The following TACC2 variants were observed in gnomAD, a reference collection of about 807,000 sequenced individuals.
The protein encoded by TACC2 is transforming acidic coiled-coil-containing protein 2.
Under a neutral mutation model 227.3 loss-of-function variants are expected in TACC2, and 137 were observed. That is an observed-to-expected ratio of 0.60 (90% CI 0.52 to 0.69). The LOEUF (loss-of-function observed/expected upper bound fraction) is 0.69, where lower values mean the gene tolerates loss of function less well. Ranked by LOEUF, TACC2 falls within the 30% of genes least tolerant of loss-of-function variation. The pLI is 0.00. For missense variants in TACC2, 3,470 were observed against 3,694.4 expected (o/e 0.94, Z 1.57); for synonymous variants, 1,523 against 1,487.5 (o/e 1.02, Z -0.55).
intron 1 of TACC2, among the ~76,000 whole-genome samples, chr10:122,019,264 C>T (rs564605929): frequency 2.0e-5 from 3 of 152,340 alleles, no homozygotes; most frequent in East Asian, 1.9e-4. Context: ...TGGGTAAGTA[C>T]ATTCTGCACA....
rs551267341 is a variant in TACC2, at chr10:122,141,540, C to T, written c.5700-2032C>T. On this transcript the variant is annotated intron_variant, in intron 6 of 22. Transcript: ENST00000369005. The surrounding 1 kb of genome is among the most constrained non-coding windows in gnomAD (Gnocchi z 4.3). ...CAGGCGGGGGAGCTTGGTGAGTGAGCCTTGGTTGTGCTGCCCCAGGGTGTT... is the reference window on the plus strand; with the variant it reads ...CAGGCGGGGGAGCTTGGTGAGTGAGTCTTGGTTGTGCTGCCCCAGGGTGTT... Among the ~76,000 whole-genome samples, 2 of 152,044 alleles carry T rather than the reference C, an allele frequency of 1.3e-5. No homozygotes were observed. The highest frequency in any genetic ancestry group is 4.2e-4 in the South Asian group (2 of 4,794).
chr10:122,163,834 C>T, intron 7 of TACC2: 3 of 1,475,186 alleles, frequency 2.0e-6, no homozygotes, highest in African/African-American at 1.4e-5. Context: ...ACCCCGGCCG[C>T]CGGCCGGCTC....
At chr10:122,181,029 C>T (rs2093955905) in intron 7 of TACC2, among the ~76,000 whole-genome samples, 1 of 152,216 alleles carries the variant, frequency 6.6e-6, no homozygotes. Context: ...CAGGCATGAG[C>T]CACCGCGCCC....
intron 22 of TACC2, among the ~76,000 whole-genome samples, chr10:122,250,947 T>C (rs1589990722): frequency 2.3e-5 from 3 of 129,800 alleles, no homozygotes; most frequent in African/African-American, 3.0e-5. Flanking sequence ...TGAGGCAGGG[T>C]CTTATTCTGT....
At position 122,210,192 on chromosome 10, in the gene TACC2, A is replaced by G; in HGVS notation, c.5972-205A>G. On this transcript the variant is annotated intron_variant, in intron 8 of 22. Transcript: ENST00000369005. This position sits in a 1 kb window ranked among gnomAD's most constrained non-coding sequence, Gnocchi z 4.6. ...TGATCCTCATTGTACAGATGAGGGAACTCTGGGCGAACCTGGCCTGGGTCT... is the reference window on the plus strand; with the variant it reads ...TGATCCTCATTGTACAGATGAGGGAGCTCTGGGCGAACCTGGCCTGGGTCT... 2 of 610,978 alleles carry G rather than the reference A, an allele frequency of 3.3e-6. No homozygotes were observed. Among genetic ancestry groups the G allele is most frequent in the South Asian group, 4.0e-5 (2 of 50,614 alleles). 37.8% of individuals were successfully genotyped at this position (610,978 alleles called of 1,614,324 possible). A position where few individuals can be genotyped will look rare whatever the true frequency, so the allele number is the denominator to read the frequency against.
intron 3 of TACC2, among the ~76,000 whole-genome samples, chr10:122,062,322 C>T (rs992975339): frequency 2.7e-5 from 4 of 147,162 alleles, no homozygotes; most frequent in Non-Finnish European, 4.5e-5. Flanking sequence ...CGTGAGCCAC[C>T]ACGCCTGGAG....
intron 6 of TACC2, among the ~76,000 whole-genome samples, chr10:122,142,443 G>C (rs1477175947): frequency 6.6e-6 from 1 of 152,260 alleles, no homozygotes; most frequent in Non-Finnish European, 1.5e-5. Context: ...GCTGTGACCA[G>C]ACTTATGGGC....
At chr10:122,153,726 C>A (rs138805999) in intron 7 of TACC2, among the ~76,000 whole-genome samples, 1 of 152,122 alleles carries the variant, frequency 6.6e-6, no homozygotes, top group Non-Finnish European at 1.5e-5. Flanking sequence ...CTTGCACCCT[C>A]GATGTTATGG....
intron 5 of TACC2, among the ~76,000 whole-genome samples, chr10:122,112,607 G>A (rs2138058732): frequency 6.6e-6 from 1 of 152,292 alleles, no homozygotes; most frequent in South Asian, 2.1e-4. Context: ...GCCTCAGGCG[G>A]GCAACGGCCC....
At chr10:122,113,838 G>A (rs1440432897) in intron 5 of TACC2, among the ~76,000 whole-genome samples, 2 of 152,230 alleles carry the variant, frequency 1.3e-5, no homozygotes, top group African/African-American at 4.8e-5. Context: ...CGTCCCCTCC[G>A]CGTCCTTGGC....
chr10:122,229,919 A>G (rs1273626668), intron 15 of TACC2, among the ~76,000 whole-genome samples: 1 of 152,190 alleles, frequency 6.6e-6, no homozygotes, highest in East Asian at 1.9e-4. Flanking sequence ...TCTGTGCTTT[A>G]AATTTGACAA....
chr10:122,114,591 A>C (rs10788242), intron 5 of TACC2, among the ~76,000 whole-genome samples: 113,247 of 151,708 alleles, frequency 0.75, 44,576 homozygotes, highest in East Asian at 0.93. Flanking sequence ...GCCTGGGACT[A>C]ATTCTCCGGG....
intron 7 of TACC2, among the ~76,000 whole-genome samples, chr10:122,170,980 G>A (rs1411520946): frequency 3.3e-5 from 5 of 152,206 alleles, no homozygotes; most frequent in Non-Finnish European, 7.3e-5. Flanking sequence ...TCTGCTGCAA[G>A]CACTGCAGGG....
Position 122,211,207 on chromosome 10 carries a change from T to A in TACC2, c.6782T>A (p.Leu2261His), listed in dbSNP as rs2295876. The A allele has an allele frequency of 0.12, 192,130 of 1,613,620 alleles. 12,307 individuals are homozygous for A. Among genetic ancestry groups the A allele is most frequent in the South Asian group, 0.16 (14,174 of 90,998 alleles). Residue 2261 changes from leucine to histidine, a missense_variant, in exon 9 of 23, where the codon CTC (leucine) becomes CAC (histidine). Physicochemically the swap from Leu to His is moderately conservative, Grantham distance 99. This residue lies in a region of TACC2 where 593 missense variants were observed against 636.6 expected (regional missense o/e 0.93). Coordinates refer to ENST00000369005, the MANE Select transcript of TACC2 (RefSeq NM_206862.4). ...GGQEDSPAKG[L>H]SVRLEFDYSE... Reference sequence around the variant, plus strand: ...CAAGAGGACTCTCCAGCCAAAGGGCTCTCCGTAAGGCTGGAGTTTGACTAT... The same window carrying A: ...CAAGAGGACTCTCCAGCCAAAGGGCACTCCGTAAGGCTGGAGTTTGACTAT...
At chr10:122,103,870 T>C (rs7085436) in intron 5 of TACC2, among the ~76,000 whole-genome samples, 105,278 of 152,090 alleles carry the variant, frequency 0.69, 36,842 homozygotes, top group Middle Eastern at 0.77. Context: ...AGCTGCCTGG[T>C]GAGCACTGCA....
rs563927159 is a variant in TACC2, at chr10:122,066,048, T to C, written c.146+15498T>C. ...TAAAAAAATTTAAGTACCTATATTG[T>C]AGGCAGCATAGAGTTGGATCTTGTT... On this transcript the variant is annotated intron_variant, in intron 3 of 22. Coordinates refer to ENST00000369005, the MANE Select transcript of TACC2 (RefSeq NM_206862.4). 2.0e-5 allele frequency among the ~76,000 whole-genome samples: 3 copies of C among 152,224 alleles called. No individual in the cohort carries two copies. The East Asian group carries it at 5.8e-4, about 29-fold the overall frequency.
chr10:122,237,376 A>G lies in TACC2; in HGVS notation c.8128-19A>G. 6.3e-7 allele frequency: 1 copy of G among 1,585,200 alleles called. No individual in the cohort carries two copies. The highest frequency in any genetic ancestry group is 8.6e-7 in the Non-Finnish European group (1 of 1,168,214). ...ATTAATGCTAACTGTTTTTTTTTTA[A>G]TTAAAAACGATTCCACAGAGAGAGG... is the stretch of plus-strand genomic sequence containing the variant. On this transcript the variant is annotated intron_variant, in intron 16 of 22. Coordinates refer to ENST00000369005, the MANE Select transcript of TACC2 (RefSeq NM_206862.4).
intron 6 of TACC2, among the ~76,000 whole-genome samples, chr10:122,135,886 T>C (rs2089522120): frequency 6.6e-6 from 1 of 152,190 alleles, no homozygotes; most frequent in Non-Finnish European, 1.5e-5. Context: ...CTGTTGTGCT[T>C]TTCCTTGGTG....
intron 7 of TACC2, among the ~76,000 whole-genome samples, chr10:122,182,610 C>G (rs1777435556): frequency 6.6e-6 from 1 of 152,174 alleles, no homozygotes; most frequent in Non-Finnish European, 1.5e-5. Context: ...AATCCTTTCC[C>G]CATATTTGCA....
Sources: allele counts gnomAD v4.1 joint callset (sites outside exome capture counted in the v4.1 genomes callset), GRCh38; gene constraint gnomAD v4.1.1; regional missense constraint gnomAD v4.1.1; non-coding constraint Gnocchi (gnomAD v3.1); transcripts MANE v1.5; gene names NCBI Gene and HGNC (gene_info 2026-07-23, HGNC 2026-07-21).